The following RYR1 variants were observed in gnomAD, a reference collection of about 807,000 sequenced individuals.
The protein encoded by RYR1 is central core disease of muscle.
Under a neutral mutation model 583.5 loss-of-function variants are expected in RYR1, and 342 were observed. The observed-to-expected ratio is 0.59, with a 90% CI of 0.54 to 0.64. RYR1 has a LOEUF of 0.64. Among genes scored for constraint, RYR1 ranks in the 30% least tolerant of loss-of-function variants. The pLI, the probability that RYR1 is intolerant of heterozygous loss-of-function variation, is 0.00. For synonymous variants in RYR1, 2,791 were observed against 2,822.5 expected (o/e 0.99, Z 0.35); for missense variants, 6,032 against 6,917.2 (o/e 0.87, Z 4.54).
intron 1 of RYR1, among the ~76,000 whole-genome samples, chr19:38,439,151 T>A (rs1972557870): frequency 6.6e-6 from 1 of 152,130 alleles, no homozygotes; most frequent in Non-Finnish European, 1.5e-5. Context: ...TGGGAGCCAG[T>A]AAAGTGCCTA....
At chr19:38,443,680 C>T (rs1332686857) in intron 4 of RYR1, 38 bp from the exon 5 acceptor site, 1 of 1,613,742 alleles carries the variant, frequency 6.2e-7, no homozygotes, top group Non-Finnish European at 8.5e-7. Context: ...GCATGTGGGG[C>T]CTGCTAGAAG....
At chr19:38,515,161 G>A (rs1970904068) in intron 64 of RYR1, 54 bp downstream of exon 64, 1 of 1,192,374 alleles carries the variant, frequency 8.4e-7, no homozygotes, top group Non-Finnish European at 1.3e-6. Context: ...GGGAAGGGAG[G>A]GAGCAGGGGA....
chr19:38,580,896 C>A (rs929424021), intron 101 of RYR1, among the ~76,000 whole-genome samples: 1 of 147,726 alleles, frequency 6.8e-6, no homozygotes, highest in African/African-American at 2.6e-5. Flanking sequence ...GCATGCCAGG[C>A]ACATTTTTTT....
chr19:38,462,754 G>A (rs1772164255), intron 20 of RYR1, among the ~76,000 whole-genome samples: 1 of 152,104 alleles, frequency 6.6e-6, no homozygotes, highest in African/African-American at 2.4e-5. Context: ...CTCTCTTCTG[G>A]GTCTGAGTCT....
At chr19:38,581,268 G>A (rs866715827) in intron 101 of RYR1, among the ~76,000 whole-genome samples, 1 of 152,046 alleles carries the variant, frequency 6.6e-6, no homozygotes, top group Non-Finnish European at 1.5e-5. Context: ...TAGTAGAGCC[G>A]GGGTTTCACC....
At chr19:38,442,602 G>A in intron 3 of RYR1, 149 bp downstream of exon 3, 1 of 651,968 alleles carries the variant, frequency 1.5e-6, no homozygotes, top group Non-Finnish European at 2.8e-6. Context: ...GCCCCCCACA[G>A]GCCCTCAATT....
At chr19:38,506,274 C>T (rs952121267) in intron 54 of RYR1, 29 bp from the exon 55 acceptor site, 2 of 1,611,724 alleles carry the variant, frequency 1.2e-6, no homozygotes, top group South Asian at 1.1e-5. Context: ...CCCATCAGCC[C>T]ACCTCCCATC....
chr19:38,483,585 A>G lies in RYR1; in HGVS notation c.4934+69A>G. The G allele has an allele frequency of 7.3e-7, 1 of 1,368,368 alleles. No homozygotes were observed. The highest frequency in any genetic ancestry group is 2.0e-5 in the Admixed American group (1 of 50,494). The allele number at this position is 1,368,368 out of a possible 1,614,324, so 84.8% of individuals were successfully genotyped here. On this transcript the variant is annotated intron_variant, in intron 33 of 105. Transcript: ENST00000359596. This position sits in a 1 kb window ranked among gnomAD's most constrained non-coding sequence, Gnocchi z 6.3. ...GCCCTCTGGGGTCTGGGTCCCACTC[A>G]GTGCCCCTCCTCAACACAACCCCGG...
At chr19:38,538,645 T>G (rs1972077698) in intron 84 of RYR1, 1 of 152,464 alleles carries the variant, frequency 6.6e-6, no homozygotes, top group Non-Finnish European at 1.5e-5. Flanking sequence ...AAAAACTGCC[T>G]GGCATTTAAA....
intron 92 of RYR1, 63 bp from the exon 93 acceptor site, chr19:38,567,710 A>G (rs1973507941): frequency 6.2e-7 from 1 of 1,613,442 alleles, no homozygotes; most frequent in South Asian, 1.1e-5. Flanking sequence ...ATGGTTTTGA[A>G]TGAATGAACT....
At chr19:38,505,673 G>A (rs1970411678) in intron 53 of RYR1, 133 bp from the exon 54 acceptor site, 4 of 1,134,014 alleles carry the variant, frequency 3.5e-6, no homozygotes, top group Admixed American at 4.0e-5. Context: ...TTACAGAGCA[G>A]GTAAGAGACT....
At chr19:38,461,380 T>C (rs373476848) in intron 20 of RYR1, among the ~76,000 whole-genome samples, 2 of 152,130 alleles carry the variant, frequency 1.3e-5, no homozygotes, top group East Asian at 1.9e-4. Flanking sequence ...ATGGAGAAAC[T>C]GAGCACAGAG....
intron 16 of RYR1, among the ~76,000 whole-genome samples, chr19:38,456,785 G>A (rs1418239550): frequency 6.7e-6 from 1 of 149,818 alleles, no homozygotes; most frequent in Non-Finnish European, 1.5e-5. Context: ...GGTGGCTCAC[G>A]CCTGTAATCC....
In RYR1 at chr19:38,512,242, T is replaced by C. The variant is rs1187216942; in HGVS notation, c.9234-3T>C. The C allele has an allele frequency of 6.2e-7, 1 of 1,614,170 alleles. No individual in the cohort carries two copies. The highest frequency in any genetic ancestry group is 1.7e-5 in the Admixed American group (1 of 60,022). On this transcript the variant is annotated splice_region_variant and splice_polypyrimidine_tract_variant and intron_variant, in intron 62 of 105. Transcript: ENST00000359596. The surrounding 1 kb of genome is among the most constrained non-coding windows in gnomAD (Gnocchi z 5.1). ...AGCTGATGTTCCCCCGCTGCCCTTC[T>C]AGGACAGTGATGAAGTCAGGCCCTG...
intron 37 of RYR1, among the ~76,000 whole-genome samples, chr19:38,491,114 T>C (rs1051096507): frequency 6.6e-6 from 1 of 152,194 alleles, no homozygotes; most frequent in Non-Finnish European, 1.5e-5. Context: ...TGATGAGAAG[T>C]CTGCTGATAG....
chr19:38,442,178 T>C (rs1168059159), intron 2 of RYR1, among the ~76,000 whole-genome samples, 171 bp from the exon 3 acceptor site: 1 of 149,586 alleles, frequency 6.7e-6, no homozygotes, highest in Non-Finnish European at 1.5e-5. Context: ...TTGGTCTAGA[T>C]TCAGTGTGTC....
In RYR1 at chr19:38,504,726, C is replaced by T. The variant is rs552327532; in HGVS notation, c.8068-22C>T. The T allele has an allele frequency of 2.5e-6, 4 of 1,613,710 alleles. No individual in the cohort carries two copies. The East Asian group carries it at 6.7e-5, about 27-fold the overall frequency. ...TAAGGCTTATAGCGACCTCCTACCC[C>T]TGCTTCACCCGGTTTTCCCAGAAAT... On this transcript the variant is annotated intron_variant, in intron 50 of 105. Transcript: ENST00000359596.
intron 37 of RYR1, among the ~76,000 whole-genome samples, chr19:38,491,228 G>A (rs1370709646): frequency 6.6e-6 from 1 of 152,132 alleles, no homozygotes; most frequent in Non-Finnish European, 1.5e-5. Flanking sequence ...GACGTGTCTA[G>A]GTGTAGAGCT....
intron 29 of RYR1, among the ~76,000 whole-genome samples, chr19:38,475,876 C>T (rs1968697375): frequency 6.6e-6 from 1 of 150,604 alleles, no homozygotes; most frequent in African/African-American, 2.5e-5. Flanking sequence ...ATTTCATAGA[C>T]AGACAGCCTA....
Sources: allele counts gnomAD v4.1 joint callset (sites outside exome capture counted in the v4.1 genomes callset), GRCh38; gene constraint gnomAD v4.1.1; non-coding constraint Gnocchi (gnomAD v3.1); transcripts MANE v1.5; gene names NCBI Gene and HGNC (gene_info 2026-07-23, HGNC 2026-07-21).